CORIN: variants seen among roughly 807,000 people sequenced by gnomAD.
The protein encoded by CORIN is atrial natriuretic peptide-converting enzyme.
CORIN carries 117 observed loss-of-function variants against 125.3 expected under a neutral mutation model. That is an observed-to-expected ratio of 0.93 (90% confidence interval 0.80 to 1.09). The LOEUF is 1.09. Among genes scored for constraint, CORIN ranks in the 50% least tolerant of loss-of-function variants. The pLI is 0.00. For synonymous variants in CORIN, 450 were observed against 466.4 expected, an observed-to-expected ratio of 0.96 and a Z score of 0.45; for missense variants, 1,253 against 1,306.7, an observed-to-expected ratio of 0.96 and a Z score of 0.63.
At chr4:47,706,909 GTTCCACCACACTAT>G in intron 5 of CORIN, 3 of 1,599,852 alleles carry the variant, frequency 1.9e-6, no homozygotes, top group Non-Finnish European at 2.5e-6. Context: ...AGGGCCATAA[GTTCCACCACACTAT>G]TTGTGGTTCT....
chr4:47,738,117 AT>A (rs769605744), intron 5 of CORIN, among the ~76,000 whole-genome samples: 4 of 152,152 alleles, frequency 2.6e-5, no homozygotes, highest in Non-Finnish European at 5.9e-5. Context: ...CTGTAGGAAA[AT>A]TTGAAAAGCT....
chr4:47,771,718 C>G (rs1730040251), intron 3 of CORIN, among the ~76,000 whole-genome samples: 1 of 152,122 alleles, frequency 6.6e-6, no homozygotes, highest in Non-Finnish European at 1.5e-5. Context: ...CAGGTCTTAA[C>G]TAACTGTAAA....
chr4:47,622,241 G>A (rs111490583), intron 19 of CORIN, among the ~76,000 whole-genome samples: 16 of 151,868 alleles, frequency 1.1e-4, no homozygotes, highest in Admixed American at 9.2e-4. Flanking sequence ...TCTTAATCCA[G>A]TCTATCATTG....
intron 16 of CORIN, among the ~76,000 whole-genome samples, chr4:47,634,312 A>G (rs1471304576): frequency 6.6e-6 from 1 of 152,196 alleles, no homozygotes; most frequent in Admixed American, 6.5e-5. Flanking sequence ...TAACCAAAAA[A>G]GAAAGAAGTC....
intron 2 of CORIN, among the ~76,000 whole-genome samples, chr4:47,800,649 G>A (rs1731500795): frequency 6.6e-6 from 1 of 152,184 alleles, no homozygotes; most frequent in Admixed American, 6.5e-5. Flanking sequence ...GCAGAGACGA[G>A]TTTCAGGACG....
intron 1 of CORIN, among the ~76,000 whole-genome samples, chr4:47,824,310 GAA>G (rs199791671): frequency 0.4 from 56,170 of 138,774 alleles, 11,448 homozygotes; most frequent in Admixed American, 0.49. Flanking sequence ...AACAACAACA[GAA>G]AAAAAAAAAA....
chr4:47,813,155 A>G (rs1732130699), intron 1 of CORIN, among the ~76,000 whole-genome samples: 1 of 152,192 alleles, frequency 6.6e-6, no homozygotes, highest in Admixed American at 6.5e-5. Context: ...CAAAAGGAAT[A>G]TAGCACAATC....
At chr4:47,800,736 C>A (rs1701077303) in intron 2 of CORIN, among the ~76,000 whole-genome samples, 1 of 152,104 alleles carries the variant, frequency 6.6e-6, no homozygotes, top group African/African-American at 2.4e-5. Context: ...CACAGAAAAC[C>A]CTCAGTCTTC....
intron 13 of CORIN, among the ~76,000 whole-genome samples, chr4:47,649,410 C>A (rs755669992): frequency 3.0e-4 from 46 of 152,222 alleles, no homozygotes; most frequent in Non-Finnish European, 5.7e-4. Flanking sequence ...CTGTCAGAAA[C>A]AAGACTATGC....
intron 10 of CORIN, among the ~76,000 whole-genome samples, chr4:47,669,570 T>C (rs1440003176): frequency 6.9e-6 from 1 of 145,204 alleles, no homozygotes; most frequent in Non-Finnish European, 1.5e-5. Flanking sequence ...TATATATATA[T>C]GCTTTTTTTT....
chr4:47,706,046 C>T (rs1249411084), intron 5 of CORIN, among the ~76,000 whole-genome samples: 1 of 152,132 alleles, frequency 6.6e-6, no homozygotes. Context: ...TAAACAATAA[C>T]TTCAGAAATT....
intron 19 of CORIN, among the ~76,000 whole-genome samples, chr4:47,605,392 T>C (rs1721610593): frequency 6.6e-6 from 1 of 152,130 alleles, no homozygotes; most frequent in East Asian, 1.9e-4. Context: ...TCAATGAATG[T>C]TTTTGACTCT....
chr4:47,648,028 T>C (rs554995456), intron 13 of CORIN, among the ~76,000 whole-genome samples: 2 of 152,332 alleles, frequency 1.3e-5, no homozygotes, highest in African/African-American at 4.8e-5. Context: ...TAATACCTCC[T>C]TTGTGGAGTT....
chr4:47,772,043 AT>A (rs1730055545), intron 3 of CORIN, among the ~76,000 whole-genome samples: 1 of 152,078 alleles, frequency 6.6e-6, no homozygotes, highest in African/African-American at 2.4e-5. Flanking sequence ...TCTCTTGGTG[AT>A]GTATTTTGCC....
Position 47,603,538 on chromosome 4 carries a change from A to G in CORIN, c.2671T>C (p.Tyr891His), listed in dbSNP as rs1397763033. Residue 891 changes from tyrosine to histidine, a missense_variant, in exon 20 of 22, where the codon TAT becomes CAT. Transcript: ENST00000273857. ...CTCAGCTCAACGATGCTGATGTCAT[A>G]GTCCACCACTGCTCGACTGTAGCGG... is the stretch of plus-strand genomic sequence containing the variant. Reference protein sequence around the residue: ...HPRYSRAVVDYDISIVELSED... With the variant: ...HPRYSRAVVDHDISIVELSED... 2 of 1,614,048 alleles carry G rather than the reference A, an allele frequency of 1.2e-6. No individual in the cohort carries two copies. The highest frequency in any genetic ancestry group is 2.7e-5 in the African/African-American group (2 of 74,910).
At chr4:47,834,945 T>A (rs1353010012) in intron 1 of CORIN, among the ~76,000 whole-genome samples, 3 of 152,202 alleles carry the variant, frequency 2.0e-5, no homozygotes, top group African/African-American at 7.2e-5. Flanking sequence ...CAAGATTATT[T>A]GACTTGCCCA....
rs143073288 is a variant in CORIN, at chr4:47,699,086, G to A, written c.800-6003C>T. On this transcript the variant is annotated intron_variant, in intron 5 of 21. Coordinates refer to ENST00000273857, the MANE Select transcript of CORIN (RefSeq NM_006587.4). ...GTATACCCATCGTTAGGCAATATAT[G>A]ACTGACAGTACTAACTTCTGACTAT... 3.9e-5 allele frequency among the ~76,000 whole-genome samples: 6 copies of A among 152,300 alleles called. No individual in the cohort carries two copies. In the East Asian group the frequency reaches 1.2e-3, roughly 29 times the overall value.
chr4:47,810,359 T>C (rs553476019), intron 1 of CORIN, among the ~76,000 whole-genome samples: 1 of 152,156 alleles, frequency 6.6e-6, no homozygotes, highest in East Asian at 1.9e-4. Flanking sequence ...GCCCAGCTAA[T>C]TTTTTTGTAG....
At chr4:47,625,017 C>T (rs960326819) in intron 17 of CORIN, among the ~76,000 whole-genome samples, 7 of 152,042 alleles carry the variant, frequency 4.6e-5, no homozygotes, top group Non-Finnish European at 8.8e-5. Flanking sequence ...ACAGGAAAAG[C>T]TCATTTGCTT....
Sources: allele counts gnomAD v4.1 joint callset (sites outside exome capture counted in the v4.1 genomes callset), GRCh38; gene constraint gnomAD v4.1.1; transcripts MANE v1.5; gene names NCBI Gene and HGNC (gene_info 2026-07-23, HGNC 2026-07-21).